ADAM18: variants seen among roughly 807,000 people sequenced by gnomAD.
ADAM18 encodes disintegrin and metalloproteinase domain-containing protein 18.
ADAM18 carries 117 observed loss-of-function variants against 94.4 expected under a neutral mutation model. The observed-to-expected ratio is 1.24, with a 90% CI of 1.07 to 1.45. The LOEUF (loss-of-function observed/expected upper bound fraction) is 1.45. ADAM18 is among the 40% of genes most tolerant of loss of function. The pLI, the probability that ADAM18 is intolerant of heterozygous loss-of-function variation, is 0.00. For synonymous variants in ADAM18, 327 were observed against 291.6 expected (o/e 1.12, Z -1.24); for missense variants, 936 against 880.0 (o/e 1.06, Z -0.81).
intron 6 of ADAM18, among the ~76,000 whole-genome samples, chr8:39,623,362 A>T (rs188542536): frequency 6.6e-6 from 1 of 152,178 alleles, no homozygotes; most frequent in Non-Finnish European, 1.5e-5. Flanking sequence ...GATAATCAAC[A>T]GTGGGTTTGG....
chr8:39,720,212 A>G (rs2129581736), intron 18 of ADAM18, among the ~76,000 whole-genome samples: 1 of 151,654 alleles, frequency 6.6e-6, no homozygotes, highest in South Asian at 2.1e-4. Flanking sequence ...TACAAAGAAT[A>G]CATACAGTCT....
intron 3 of ADAM18, 104 bp from the exon 4 acceptor site, chr8:39,608,938 A>C: frequency 1.4e-6 from 1 of 701,460 alleles, no homozygotes; most frequent in Non-Finnish European, 2.4e-6. Flanking sequence ...ATGCCATTAT[A>C]TAAAGCTAAT....
chr8:39,636,634 A>G (rs575885295), intron 7 of ADAM18, among the ~76,000 whole-genome samples: 1 of 152,196 alleles, frequency 6.6e-6, no homozygotes, highest in East Asian at 1.9e-4. Flanking sequence ...TTTTAATGGT[A>G]AAAGTACCTA....
intron 14 of ADAM18, 61 bp from the exon 15 acceptor site, chr8:39,677,370 A>T: frequency 7.4e-7 from 1 of 1,345,548 alleles, no homozygotes; most frequent in Non-Finnish European, 1.0e-6. Flanking sequence ...TTAGTCTGTT[A>T]CTGACAAACA....
intron 6 of ADAM18, among the ~76,000 whole-genome samples, chr8:39,625,485 G>C (rs1213501699): frequency 6.6e-6 from 1 of 152,064 alleles, no homozygotes; most frequent in Non-Finnish European, 1.5e-5. Context: ...TTGGTAGACA[G>C]AGTTAGCTTG....
At chr8:39,623,554 A>G (rs1398297437) in intron 6 of ADAM18, among the ~76,000 whole-genome samples, 1 of 151,892 alleles carries the variant, frequency 6.6e-6, no homozygotes, top group Admixed American at 6.6e-5. Flanking sequence ...TGGCTGGGAT[A>G]AAGTGGTATC....
chr8:39,624,426 G>T lies in ADAM18; in HGVS notation c.523-4948G>T, dbSNP rs554304436. ...ATAGAGGGTCCTTCCCCCAATTTAT[G>T]TTTTTGTGTGCTTTGCTGAAGATCA... On this transcript the variant is annotated intron_variant, in intron 6 of 19. Coordinates refer to ENST00000265707, the MANE Select transcript of ADAM18 (RefSeq NM_014237.3). Among the ~76,000 whole-genome samples, 8 of 152,232 alleles carry T rather than the reference G, an allele frequency of 5.3e-5. No individual in the cohort carries two copies. The South Asian group carries it at 1.7e-3, about 32-fold the overall frequency.
At chr8:39,660,068 CT>C (rs1820793221) in intron 12 of ADAM18, among the ~76,000 whole-genome samples, 1 of 151,806 alleles carries the variant, frequency 6.6e-6, no homozygotes, top group Admixed American at 6.6e-5. Flanking sequence ...TTATGTAAGC[CT>C]TATGATAACC....
intron 2 of ADAM18, among the ~76,000 whole-genome samples, chr8:39,591,523 T>A (rs919988363): frequency 6.6e-6 from 1 of 152,228 alleles, no homozygotes; most frequent in Non-Finnish European, 1.5e-5. Flanking sequence ...TAACTCCTCA[T>A]CGATTCAAGT....
At chr8:39,665,628 T>C (rs901075583) in intron 13 of ADAM18, among the ~76,000 whole-genome samples, 2 of 152,224 alleles carry the variant, frequency 1.3e-5, no homozygotes, top group Non-Finnish European at 2.9e-5. Context: ...TATATGGTTT[T>C]GTGTTATCTT....
chr8:39,610,180 AC>A (rs1161260936), intron 5 of ADAM18, among the ~76,000 whole-genome samples: 1 of 152,134 alleles, frequency 6.6e-6, no homozygotes. Flanking sequence ...TATATAGTCT[AC>A]ATACATGCCG....
intron 17 of ADAM18, among the ~76,000 whole-genome samples, chr8:39,702,163 T>C (rs1196052194): frequency 2.6e-5 from 4 of 152,224 alleles, no homozygotes; most frequent in African/African-American, 9.6e-5. Context: ...ATTTTTTGAC[T>C]TCTTAATAAC....
At chr8:39,696,577 AT>A (rs1206680926) in intron 17 of ADAM18, among the ~76,000 whole-genome samples, 3 of 151,476 alleles carry the variant, frequency 2.0e-5, no homozygotes, top group Non-Finnish European at 4.4e-5. Context: ...GTCTAACTAT[AT>A]TTTTACATAT....
chr8:39,659,446 C>T (rs565327630), intron 12 of ADAM18, among the ~76,000 whole-genome samples: 1 of 150,474 alleles, frequency 6.6e-6, no homozygotes, highest in South Asian at 2.1e-4. Context: ...AAATTATAAA[C>T]ATTGAACAGT....
chr8:39,713,265 C>T (rs939573461), intron 18 of ADAM18, among the ~76,000 whole-genome samples: 9 of 152,174 alleles, frequency 5.9e-5, no homozygotes, highest in Non-Finnish European at 1.2e-4. Flanking sequence ...GGATCCCTTC[C>T]TTACACCTTA....
chr8:39,652,184 A>G (rs1032597344), intron 12 of ADAM18, among the ~76,000 whole-genome samples: 1 of 152,164 alleles, frequency 6.6e-6, no homozygotes, highest in African/African-American at 2.4e-5. Context: ...CAGCAAAAGC[A>G]AAAATATAGA....
chr8:39,590,979 C>G (rs1007161847), intron 2 of ADAM18, among the ~76,000 whole-genome samples: 42 of 152,204 alleles, frequency 2.8e-4, no homozygotes, highest in African/African-American at 9.4e-4. Flanking sequence ...GTCACACAAA[C>G]TGGTATCCCA....
rs77743489 is a variant in ADAM18, at chr8:39,633,349, A to G, written c.588+3910A>G. Reference sequence around the variant, plus strand: ...GAAGCAAATAATGGAAAAAGCTTGTATTACTGCAAATGGAGAATGAAGGGT... The same window carrying G: ...GAAGCAAATAATGGAAAAAGCTTGTGTTACTGCAAATGGAGAATGAAGGGT... On this transcript the variant is annotated intron_variant, in intron 7 of 19. Coordinates refer to ENST00000265707, the MANE Select transcript of ADAM18 (RefSeq NM_014237.3). 2.0e-5 allele frequency among the ~76,000 whole-genome samples: 3 copies of G among 152,328 alleles called. No homozygotes were observed. In the East Asian group the frequency reaches 5.8e-4, roughly 29 times the overall value.
chr8:39,622,604 C>T (rs1395243128), intron 6 of ADAM18, among the ~76,000 whole-genome samples: 1 of 151,808 alleles, frequency 6.6e-6, no homozygotes, highest in Non-Finnish European at 1.5e-5. Context: ...TTTAGAAAAA[C>T]ATCTAGTTTT....
Sources: allele counts gnomAD v4.1 joint callset (sites outside exome capture counted in the v4.1 genomes callset), GRCh38; gene constraint gnomAD v4.1.1; transcripts MANE v1.5; gene names NCBI Gene and HGNC (gene_info 2026-07-23, HGNC 2026-07-21).